The following NLGN1 variants were observed in gnomAD, a reference collection of about 807,000 sequenced individuals.
NLGN1 encodes neuroligin 1, also known as neuroligin-1.
Under a neutral mutation model 65.5 loss-of-function variants are expected in NLGN1, and 12 were observed. The observed-to-expected ratio is 0.18, with a 90% confidence interval of 0.12 to 0.30. The LOEUF (loss-of-function observed/expected upper bound fraction) is 0.30. Ranked by LOEUF, NLGN1 falls within the 10% of genes least tolerant of loss-of-function variation. NLGN1 has a pLI of 1.00. For synonymous variants in NLGN1, 350 were observed against 359.5 expected (o/e 0.97, Z 0.30); for missense variants, 750 against 1,007.1 (o/e 0.74, Z 3.46).
intron 2 of NLGN1, among the ~76,000 whole-genome samples, chr3:173,444,228 A>G (rs1353538144): frequency 6.6e-6 from 1 of 152,236 alleles, no homozygotes; most frequent in Non-Finnish European, 1.5e-5. Flanking sequence ...GTTGTCATAA[A>G]ATCACTTTCA....
chr3:174,055,350 C>T (rs933700690), intron 4 of NLGN1, among the ~76,000 whole-genome samples: 23 of 151,766 alleles, frequency 1.5e-4, no homozygotes, highest in African/African-American at 4.6e-4. Context: ...TTTGAACCAA[C>T]GTTGGAAAGA....
intron 4 of NLGN1, among the ~76,000 whole-genome samples, chr3:174,131,644 T>C (rs1720215371): frequency 6.6e-6 from 1 of 152,248 alleles, no homozygotes; most frequent in African/African-American, 2.4e-5. Flanking sequence ...TATATATGTC[T>C]GTTTAAGTAA....
At chr3:174,177,001 A>T (rs1729577714) in intron 4 of NLGN1, among the ~76,000 whole-genome samples, 1 of 152,026 alleles carries the variant, frequency 6.6e-6, no homozygotes, top group Non-Finnish European at 1.5e-5. Flanking sequence ...AGCATAGGAG[A>T]TGTTTATAAT....
intron 4 of NLGN1, among the ~76,000 whole-genome samples, chr3:174,128,173 A>G (rs923973560): frequency 6.6e-6 from 1 of 152,158 alleles, no homozygotes; most frequent in African/African-American, 2.4e-5. Flanking sequence ...TCAATTTTTA[A>G]TTTTGATAGT....
intron 3 of NLGN1, among the ~76,000 whole-genome samples, chr3:173,614,684 A>G (rs536751632): frequency 6.6e-6 from 1 of 152,084 alleles, no homozygotes; most frequent in African/African-American, 2.4e-5. Context: ...CTCTTGACCT[A>G]TCCCCAACTT....
At chr3:173,661,431 C>T (rs1302599460) in intron 3 of NLGN1, among the ~76,000 whole-genome samples, 1 of 151,944 alleles carries the variant, frequency 6.6e-6, no homozygotes, top group Non-Finnish European at 1.5e-5. Flanking sequence ...TGTCTGACTT[C>T]AAAGTCCAGG....
chr3:174,024,567 A>G (rs1579838192), intron 4 of NLGN1, among the ~76,000 whole-genome samples: 2 of 152,218 alleles, frequency 1.3e-5, no homozygotes, highest in Admixed American at 6.5e-5. Context: ...TGTAATTTGT[A>G]TGTGGCCCTC....
At chr3:173,542,219 T>C (rs1284969316) in intron 2 of NLGN1, among the ~76,000 whole-genome samples, 1 of 152,070 alleles carries the variant, frequency 6.6e-6, no homozygotes, top group African/African-American at 2.4e-5. Flanking sequence ...CTAAGAGCCC[T>C]GTCTTATTCT....
intron 3 of NLGN1, among the ~76,000 whole-genome samples, chr3:173,611,461 C>T (rs1376314484): frequency 1.3e-5 from 2 of 151,996 alleles, no homozygotes; most frequent in African/African-American, 4.8e-5. Flanking sequence ...TTTAAGATCA[C>T]ATAGAAAATG....
intron 3 of NLGN1, among the ~76,000 whole-genome samples, chr3:173,772,347 G>T (rs1779709171): frequency 6.6e-6 from 1 of 152,148 alleles, no homozygotes; most frequent in Non-Finnish European, 1.5e-5. Flanking sequence ...GCCGGGCATG[G>T]TGGCTCACTC....
chr3:174,242,653 T>C (rs1252645368), intron 4 of NLGN1, among the ~76,000 whole-genome samples: 5 of 152,142 alleles, frequency 3.3e-5, no homozygotes, highest in African/African-American at 7.2e-5. Context: ...CTCTGCCAGA[T>C]AGAACCATCT....
intron 2 of NLGN1, among the ~76,000 whole-genome samples, chr3:173,444,320 A>G (rs1283710143): frequency 1.3e-5 from 2 of 152,230 alleles, no homozygotes; most frequent in African/African-American, 4.8e-5. Context: ...ACAGCAGGTA[A>G]TGCTGCTCAT....
intron 3 of NLGN1, among the ~76,000 whole-genome samples, chr3:173,795,965 A>G (rs1031463376): frequency 2.6e-5 from 4 of 152,254 alleles, no homozygotes; most frequent in East Asian, 1.9e-4. Flanking sequence ...CTTTCCATCT[A>G]TCATGGTGGG....
chr3:174,015,922 T>G (rs1259917651), intron 4 of NLGN1, among the ~76,000 whole-genome samples: 6 of 151,988 alleles, frequency 3.9e-5, no homozygotes, highest in African/African-American at 1.5e-4. Flanking sequence ...AAATAAAAGG[T>G]GGCTGAAAAT....
intron 2 of NLGN1, among the ~76,000 whole-genome samples, chr3:173,482,611 A>G (rs1404728757): frequency 1.3e-5 from 2 of 151,894 alleles, no homozygotes; most frequent in Non-Finnish European, 2.9e-5. Context: ...AATTTTTTGA[A>G]CATTTCTCTC....
intron 3 of NLGN1, among the ~76,000 whole-genome samples, chr3:173,757,738 G>A (rs1777353352): frequency 6.6e-6 from 1 of 152,004 alleles, no homozygotes; most frequent in South Asian, 2.1e-4. Context: ...TAGATTATAT[G>A]AAGGAATTAT....
chr3:174,006,490 T>G (rs1477296810), intron 4 of NLGN1, among the ~76,000 whole-genome samples: 2 of 152,196 alleles, frequency 1.3e-5, no homozygotes, highest in Non-Finnish European at 2.9e-5. Flanking sequence ...TCCTCAGTCC[T>G]GTACACTTGA....
At chr3:173,764,457 A>G (rs570423065) in intron 3 of NLGN1, among the ~76,000 whole-genome samples, 10 of 152,080 alleles carry the variant, frequency 6.6e-5, no homozygotes, top group African/African-American at 1.2e-4. Flanking sequence ...AAAAGAACAG[A>G]ATGGTTGCCT....
intron 4 of NLGN1, among the ~76,000 whole-genome samples, chr3:174,196,754 C>A (rs1224584764): frequency 2.0e-5 from 3 of 152,164 alleles, no homozygotes; most frequent in East Asian, 1.9e-4. Flanking sequence ...TAATTGCTAA[C>A]AATCATGCTG....
Sources: gnomAD v4.1 joint callset for allele counts (sites outside exome capture counted in the v4.1 genomes callset) on GRCh38, gnomAD v4.1.1 for gene constraint, MANE v1.5 for transcripts, NCBI Gene and HGNC (gene_info 2026-07-23, HGNC 2026-07-21) for gene names.